The following USP30 variants were observed in gnomAD, a reference collection of about 807,000 sequenced individuals.
USP30 encodes ubiquitin specific peptidase 30.
A neutral mutation model predicts 68.2 loss-of-function variants in USP30; 41 were observed. The ratio of observed to expected loss-of-function variants is 0.60; its 90% CI spans 0.47 to 0.78. The LOEUF (loss-of-function observed/expected upper bound fraction) is 0.78, where lower values mean the gene tolerates loss of function less well. USP30 is among the 30% of genes least tolerant of loss of function. The pLI is 0.00. For missense variants in USP30, 522 were observed against 649.4 expected (o/e 0.80, Z 2.13); for synonymous variants, 229 against 253.7 (o/e 0.90, Z 0.93).
Position 109,082,017 on chromosome 12 carries a change from A to T in USP30, c.865A>T (p.Lys289Ter). The change falls in exon 9 of 13, where the codon AAG (lysine) becomes TAG (stop). Residue 289 changes from lysine to a stop codon, truncating the protein, a stop_gained and splice_region_variant. Coordinates refer to ENST00000257548, the MANE Select transcript of USP30 (RefSeq NM_032663.5). LOFTEE classifies it high-confidence loss of function. ...VRDVVCDNCT[K>*]IEAKGTLNGE... ...GGATGTTGTGTGTGACAACTGTACA[A>T]AGGTATGCATTGAACCCCAAATGTC... The T allele has an allele frequency of 6.2e-7, 1 of 1,614,152 alleles. No individual in the cohort carries two copies. Among genetic ancestry groups the T allele is most frequent in the Non-Finnish European group, 8.5e-7 (1 of 1,180,020 alleles).
chr12:109,073,365 G>A, intron 6 of USP30, 73 bp from the exon 7 acceptor site: 1 of 1,057,626 alleles, frequency 9.5e-7, no homozygotes, highest in Non-Finnish European at 1.5e-6. Context: ...CCACATGCTA[G>A]AAAGGAAGAT....
chr12:109,084,679 G>A lies in USP30; in HGVS notation c.1169-274G>A, dbSNP rs1593301399. On this transcript the variant is annotated intron_variant, in intron 11 of 12. Coordinates refer to ENST00000257548, the MANE Select transcript of USP30 (RefSeq NM_032663.5). ...TAGCTACTGATTAACTTTGATACATGGCATTAGCAAACAGGGCTAGGAAGC... is the reference window on the plus strand; with the variant it reads ...TAGCTACTGATTAACTTTGATACATAGCATTAGCAAACAGGGCTAGGAAGC... Among the ~76,000 whole-genome samples, 3 of 152,322 alleles carry A rather than the reference G, an allele frequency of 2.0e-5. No homozygotes were observed. The East Asian group carries it at 5.8e-4, about 29-fold the overall frequency.
At chr12:109,077,829 G>GC (rs1004546244) in intron 7 of USP30, among the ~76,000 whole-genome samples, 3 of 151,896 alleles carry the variant, frequency 2.0e-5, no homozygotes, top group African/African-American at 7.3e-5. Flanking sequence ...TTGTGTTGGG[G>GC]GGGGAGGGTG....
At position 109,058,137 on chromosome 12, in the gene USP30, A is replaced by G. The variant is rs779395572; in HGVS notation, c.376+29A>G. The G allele has an allele frequency of 5.1e-6, 8 of 1,573,258 alleles. No homozygotes were observed. The African/African-American group carries it at 8.2e-5, about 16-fold the overall frequency. On this transcript the variant is annotated intron_variant, in intron 3 of 12. Coordinates refer to ENST00000257548, the MANE Select transcript of USP30 (RefSeq NM_032663.5). The stretch of plus-strand genomic sequence containing the variant: ...TCTAGATGGGAATTTCAAGGGAATT[A>G]TGTACCTTTTCAAAGAAGTCCAGAT...
At chr12:109,065,824 G>A (rs1181188296) in intron 3 of USP30, among the ~76,000 whole-genome samples, 3 of 152,176 alleles carry the variant, frequency 2.0e-5, no homozygotes. Flanking sequence ...TTACATGACT[G>A]TTTCCAGCAC....
intron 3 of USP30, among the ~76,000 whole-genome samples, chr12:109,066,500 T>C (rs1170300064): frequency 6.6e-6 from 1 of 151,994 alleles, no homozygotes; most frequent in Non-Finnish European, 1.5e-5. Context: ...GTGGCCAACA[T>C]GGGGGAACCC....
chr12:109,042,728 G>A (rs936643770), intron 3 of USP30, among the ~76,000 whole-genome samples: 28 of 152,218 alleles, frequency 1.8e-4, no homozygotes, highest in African/African-American at 6.0e-4. Flanking sequence ...TCTATTTAAC[G>A]TAGTACTGGA....
intron 1 of USP30, among the ~76,000 whole-genome samples, chr12:109,054,321 G>A (rs1332696866): frequency 1.3e-5 from 2 of 152,138 alleles, no homozygotes; most frequent in African/African-American, 4.8e-5. Flanking sequence ...AGGAGTTCGA[G>A]ACCAGCCTGG....
At chr12:109,079,339 C>CTTTTTTTTTTTTTTTTTTTTTT (rs750712233) in intron 7 of USP30, among the ~76,000 whole-genome samples, 76 of 62,272 alleles carry the variant, frequency 1.2e-3, no homozygotes, top group African/African-American at 2.7e-3. Flanking sequence ...TTTTCTTTTT[C>CTTTTTTTTTTTTTTTTTTTTTT]TTTTTTTTTT....
At chr12:109,069,442 A>T (rs2041360708) in intron 4 of USP30, among the ~76,000 whole-genome samples, 2 of 152,226 alleles carry the variant, frequency 1.3e-5, no homozygotes, top group Admixed American at 6.5e-5. Flanking sequence ...CTGGATTGTG[A>T]GTCCCTCAGG....
chr12:109,035,319 GATTACC>G, intron 3 of USP30, among the ~76,000 whole-genome samples: 1 of 151,512 alleles, frequency 6.6e-6, no homozygotes, highest in East Asian at 1.9e-4. Context: ...TTGCCCTGGA[GATTACC>G]ATTACCATTT....
chr12:109,073,658 T>A, intron 7 of USP30, 126 bp downstream of exon 7: 1 of 775,592 alleles, frequency 1.3e-6, no homozygotes, highest in Non-Finnish European at 2.1e-6. Flanking sequence ...CTCTGCACAC[T>A]AGTGGACTGA....
chr12:109,038,107 C>T (rs918126996), intron 3 of USP30, among the ~76,000 whole-genome samples: 2 of 151,956 alleles, frequency 1.3e-5, no homozygotes, highest in African/African-American at 4.8e-5. Context: ...CACAGATCAA[C>T]CTATCACCTA....
chr12:109,057,721 T>C (rs531506110), intron 2 of USP30, among the ~76,000 whole-genome samples: 1 of 152,348 alleles, frequency 6.6e-6, no homozygotes, highest in East Asian at 1.9e-4. Context: ...GGACCTGTCC[T>C]TCTGTGCTTA....
At position 109,082,034 on chromosome 12, in the gene USP30, C is replaced by T; in HGVS notation, c.867+15C>T. On this transcript the variant is annotated intron_variant, in intron 9 of 12. Coordinates refer to ENST00000257548, the MANE Select transcript of USP30 (RefSeq NM_032663.5). ...ACTGTACAAAGGTATGCATTGAACC[C>T]CAAATGTCATCGCCAGCTGGCCTGT... is the stretch of plus-strand genomic sequence containing the variant. The T allele has an allele frequency of 6.2e-7, 1 of 1,613,778 alleles. No individual in the cohort carries two copies. Among genetic ancestry groups the T allele is most frequent in the Non-Finnish European group, 8.5e-7 (1 of 1,179,718 alleles).
intron 3 of USP30, among the ~76,000 whole-genome samples, chr12:109,040,000 A>G (rs2135670986): frequency 6.6e-6 from 1 of 152,322 alleles, no homozygotes; most frequent in South Asian, 2.1e-4. Flanking sequence ...GTGATATATG[A>G]TATAAATATT....
chr12:109,085,030 T>G lies in USP30; in HGVS notation c.1246T>G (p.Ser416Ala), dbSNP rs1304567201. The stretch of plus-strand genomic sequence containing the variant: ...CTCCCCATCTTTATTGCCAACGCTG[T>G]CAGCGCCGATGCCCTTCCCTCTCCC... The part of the protein sequence containing the change: ...ACSPSLLPTL[S>A]APMPFPLPVV... Residue 416 changes from serine to alanine, a missense_variant, in exon 12 of 13, where the codon TCA becomes GCA. Coordinates refer to ENST00000257548, the MANE Select transcript of USP30 (RefSeq NM_032663.5). 6.2e-7 allele frequency: 1 copy of G among 1,605,566 alleles called. No individual in the cohort carries two copies. Among genetic ancestry groups the G allele is most frequent in the South Asian group, 1.1e-5 (1 of 89,576 alleles).
chr12:109,069,075 C>T (rs779939553), intron 4 of USP30, among the ~76,000 whole-genome samples: 5 of 152,224 alleles, frequency 3.3e-5, no homozygotes, highest in Non-Finnish European at 7.3e-5. Flanking sequence ...TGGAAAAACA[C>T]TGAGGCTCAG....
intron 7 of USP30, among the ~76,000 whole-genome samples, chr12:109,077,450 T>C (rs145089945): frequency 6.6e-6 from 1 of 152,262 alleles, no homozygotes; most frequent in Non-Finnish European, 1.5e-5. Context: ...TCATCTCTGC[T>C]AAGACTCCTT....
Sources: allele counts gnomAD v4.1 joint callset (sites outside exome capture counted in the v4.1 genomes callset), GRCh38; gene constraint gnomAD v4.1.1; transcripts MANE v1.5; gene names NCBI Gene and HGNC (gene_info 2026-07-23, HGNC 2026-07-21).